Variants in SRGAP3 observed in about 807,000 individuals in gnomAD.
SRGAP3 encodes the protein SLIT-ROBO Rho GTPase activating protein 3.
A neutral mutation model predicts 121.1 loss-of-function variants in SRGAP3; 39 were observed. The ratio of observed to expected loss-of-function variants is 0.32; its 90% CI spans 0.25 to 0.42. The LOEUF (loss-of-function observed/expected upper bound fraction) is 0.42. Ranked by LOEUF, SRGAP3 falls within the 10% of genes least tolerant of loss-of-function variation. The probability of loss-of-function intolerance (pLI) is 1.00; values close to 1 mark genes in which losing one functional copy is unlikely to be tolerated. For synonymous variants in SRGAP3, 601 were observed against 570.0 expected, an observed-to-expected ratio of 1.05 and a Z score of -0.77; for missense variants, 1,213 against 1,470.6, an observed-to-expected ratio of 0.82 and a Z score of 2.86.
chr3:9,297,895 C>CA (rs570161721), intron 3 of SRGAP3, among the ~76,000 whole-genome samples: 3,107 of 120,060 alleles, frequency 0.026, 55 homozygotes, highest in South Asian at 0.1. Flanking sequence ...GACTCAGTCT[C>CA]AAAAAAAAAA....
chr3:9,096,823 A>G (rs565464259), intron 3 of SRGAP3, among the ~76,000 whole-genome samples: 167 of 148,454 alleles, frequency 1.1e-3, no homozygotes, highest in Admixed American at 5.0e-3. Flanking sequence ...CTCCAATCTC[A>G]TTCTCATTAA....
chr3:9,299,067 A>AAG (rs1553569473), intron 3 of SRGAP3, among the ~76,000 whole-genome samples: 3 of 148,446 alleles, frequency 2.0e-5, no homozygotes, highest in South Asian at 4.3e-4. Context: ...AAAAAAAAAA[A>AAG]AAAGAAAATA....
intron 1 of SRGAP3, among the ~76,000 whole-genome samples, chr3:9,230,544 T>C (rs1953165087): frequency 6.6e-6 from 1 of 152,112 alleles, no homozygotes; most frequent in Non-Finnish European, 1.5e-5. Flanking sequence ...GATTGGTCTG[T>C]GCTTGGGAAC....
At chr3:9,070,643 G>A (rs1946661840) in intron 4 of SRGAP3, among the ~76,000 whole-genome samples, 1 of 152,136 alleles carries the variant, frequency 6.6e-6, no homozygotes, top group Non-Finnish European at 1.5e-5. Context: ...GCAGGGATGG[G>A]TAGATAGATG....
At chr3:9,312,589 G>C (rs916384990) in intron 3 of SRGAP3, among the ~76,000 whole-genome samples, 5 of 152,230 alleles carry the variant, frequency 3.3e-5, no homozygotes, top group Non-Finnish European at 7.3e-5. Context: ...AAGCAGTCAT[G>C]AACGACACAA....
intron 1 of SRGAP3, among the ~76,000 whole-genome samples, chr3:9,131,875 A>C (rs752438140): frequency 2.6e-5 from 4 of 152,138 alleles, no homozygotes; most frequent in Non-Finnish European, 4.4e-5. Flanking sequence ...AAGTCCAAGA[A>C]TGCACAGCCT....
intron 5 of SRGAP3, among the ~76,000 whole-genome samples, chr3:9,062,629 G>T (rs1442991939): frequency 6.6e-6 from 1 of 152,092 alleles, no homozygotes; most frequent in Non-Finnish European, 1.5e-5. Context: ...CACAATATGT[G>T]GTCTTCCGTG....
intron 4 of SRGAP3, among the ~76,000 whole-genome samples, chr3:9,076,864 C>G (rs1946996689): frequency 6.6e-6 from 1 of 152,168 alleles, no homozygotes; most frequent in Non-Finnish European, 1.5e-5. Flanking sequence ...GCGAGTTACA[C>G]AGCCAAGCCC....
intron 1 of SRGAP3, among the ~76,000 whole-genome samples, chr3:9,231,411 T>A (rs1383279589): frequency 6.6e-6 from 1 of 152,258 alleles, no homozygotes; most frequent in Non-Finnish European, 1.5e-5. Flanking sequence ...ACTGGGCAAT[T>A]AAATTTTCTT....
chr3:9,197,263 C>T (rs1951944941), intron 1 of SRGAP3, among the ~76,000 whole-genome samples: 1 of 152,236 alleles, frequency 6.6e-6, no homozygotes, highest in African/African-American at 2.4e-5. Context: ...CAGCCTCTGC[C>T]TCTAGCTGTT....
chr3:9,134,054 T>A (rs1357153792), intron 1 of SRGAP3, among the ~76,000 whole-genome samples: 1 of 152,206 alleles, frequency 6.6e-6, no homozygotes, highest in African/African-American at 2.4e-5. Flanking sequence ...ATCCTGCACC[T>A]CTGGTTAACA....
Position 9,025,294 on chromosome 3 carries a change from C to G in SRGAP3, c.1645G>C (p.Glu549Gln). ...AAGGAATTTTTGATGTCATTGACTT[C>G]CACCTGAGATCCTGGCACTCTGAAG... is the stretch of plus-strand genomic sequence containing the variant. Reference protein sequence around the residue: ...GIFRVPGSQVEVNDIKNSFER... With the variant: ...GIFRVPGSQVQVNDIKNSFER... Residue 549 changes from glutamate (E) to glutamine (Q), a missense_variant, in exon 14 of 22, where the codon GAA becomes CAA. Around this residue, in one of 2 missense-constraint regions of SRGAP3, gnomAD observed 793 missense variants for 1,032.9 expected, o/e 0.77. Transcript: ENST00000383836. 6.2e-7 allele frequency: 1 copy of G among 1,614,188 alleles called. No homozygotes were observed. Among genetic ancestry groups the G allele is most frequent in the Non-Finnish European group, 8.5e-7 (1 of 1,180,042 alleles).
chr3:8,988,436 A>T (rs191118802), intron 21 of SRGAP3, among the ~76,000 whole-genome samples: 1 of 152,280 alleles, frequency 6.6e-6, no homozygotes, highest in Non-Finnish European at 1.5e-5. Flanking sequence ...TTACTTACAT[A>T]TCATTTACTA....
chr3:9,259,697 C>T (rs973196180), intron 3 of SRGAP3, among the ~76,000 whole-genome samples: 1 of 152,172 alleles, frequency 6.6e-6, no homozygotes. Context: ...TATTCTGCAT[C>T]GGTGAAAATT....
rs1942157287 is a variant in SRGAP3, at chr3:8,993,006, TG to T, written c.2457del (p.Ser820AlafsTer31). 1 of 1,614,140 alleles carries T rather than the reference TG, an allele frequency of 6.2e-7. No individual in the cohort carries two copies. The highest frequency in any genetic ancestry group is 1.3e-5 in the African/African-American group (1 of 74,946). The stretch of plus-strand genomic sequence containing the variant: ...TTGTCATCCAGCAATGGCCCACTGC[TG>T]GCCTCGCTGTCAGCCTTCTGGCTCA... ...DSLSQKADSE[A>X]SSGPLLDDKA... On this transcript the variant is annotated frameshift_variant, in exon 20 of 22. Coordinates refer to ENST00000383836, the MANE Select transcript of SRGAP3 (RefSeq NM_014850.4). LOFTEE classifies it high-confidence loss of function.
At chr3:9,048,470 G>A (rs996816077) in intron 9 of SRGAP3, among the ~76,000 whole-genome samples, 5 of 152,036 alleles carry the variant, frequency 3.3e-5, no homozygotes, top group Non-Finnish European at 5.9e-5. Context: ...GACAATAAAC[G>A]AACAAAAAAG....
chr3:9,262,545 A>AAAAAAAAAAAAAAAAAC, intron 3 of SRGAP3, among the ~76,000 whole-genome samples: 1 of 147,706 alleles, frequency 6.8e-6, no homozygotes, highest in Non-Finnish European at 1.5e-5. Flanking sequence ...AAAAAAAAAA[A>AAAAAAAAAAAAAAAAAC]AAAAAAAAAA....
At chr3:9,049,596 A>G in intron 9 of SRGAP3, 1 of 429,576 alleles carries the variant, frequency 2.3e-6, no homozygotes, top group South Asian at 1.7e-5. Context: ...GTGTTTCTCC[A>G]AGTGTGGGGC....
intron 1 of SRGAP3, among the ~76,000 whole-genome samples, chr3:9,238,491 C>A (rs1206150774): frequency 2.6e-5 from 4 of 152,104 alleles, no homozygotes; most frequent in Non-Finnish European, 4.4e-5. Flanking sequence ...CCTTGTTCCC[C>A]GCCCCACCAC....
Sources: allele counts gnomAD v4.1 joint callset (sites outside exome capture counted in the v4.1 genomes callset), GRCh38; gene constraint gnomAD v4.1.1; regional missense constraint gnomAD v4.1.1; transcripts MANE v1.5; gene names NCBI Gene and HGNC (gene_info 2026-07-23, HGNC 2026-07-21).